The following GLT6D1 variants were observed in gnomAD, a reference collection of about 807,000 sequenced individuals.
The protein encoded by GLT6D1 is putative glycosyltransferase 6 domain-containing protein 1.
Under a neutral mutation model 12.3 loss-of-function variants are expected in GLT6D1, and 9 were observed. The ratio of observed to expected loss-of-function variants is 0.73; its 90% CI spans 0.44 to 1.27. GLT6D1 has a LOEUF of 1.27. Among genes scored for constraint, GLT6D1 ranks in the 50% most tolerant of loss-of-function variants. The probability of loss-of-function intolerance (pLI) is 0.00; values close to 1 mark genes in which losing one functional copy is unlikely to be tolerated. For synonymous variants in GLT6D1, 128 were observed against 132.3 expected (o/e 0.97, Z 0.23); for missense variants, 335 against 346.2 (o/e 0.97, Z 0.26).
Position 135,626,180 on chromosome 9 carries a change from G to A in GLT6D1, c.146C>T (p.Thr49Ile), listed in dbSNP as rs1325076071. The change falls in exon 4 of 5, where the codon ACA (threonine) becomes ATA (isoleucine). Residue 49 changes from threonine to isoleucine, a missense_variant. Thr to Ile is a moderately conservative substitution (Grantham distance 89, BLOSUM62 -1). Transcript: ENST00000371763. ...CCATAGGACAGGAGCGAGCCAGTCT[G>A]TTTTCGTTATAACATCAGGGCGTTT... ...PRKRPDVITK[T>I]DWLAPVLWEG... 3.7e-6 allele frequency: 6 copies of A among 1,613,828 alleles called. No homozygotes were observed. The highest frequency in any genetic ancestry group is 2.2e-5 in the South Asian group (2 of 91,050).
rs757689132 is a variant in GLT6D1 at position 135,624,371 on chromosome 9, G to A, written c.557C>T (p.Thr186Ile). 6.2e-7 allele frequency: 1 copy of A among 1,614,130 alleles called. No homozygotes were observed. The highest frequency in any genetic ancestry group is 8.5e-7 in the Non-Finnish European group (1 of 1,180,026). ...GAGCTGGGCCACCAACGGGCCCAGG[G>A]TCTCCACCCCGAACTCATTCTGGAA... ...QVFQNEFGVETLGPLVAQLHA... is the reference protein window; with the variant it reads ...QVFQNEFGVEILGPLVAQLHA... Residue 186 changes from threonine to isoleucine, a missense_variant, in exon 5 of 5, where the codon ACC (threonine) becomes ATC (isoleucine). Thr to Ile is a moderately conservative substitution (Grantham distance 89). Coordinates refer to ENST00000371763, the MANE Select transcript of GLT6D1 (RefSeq NM_182974.3).
intron 2 of GLT6D1, 28 bp from the exon 3 acceptor site, chr9:135,631,506 T>C (rs781710077): frequency 4.5e-6 from 7 of 1,552,310 alleles, no homozygotes; most frequent in Non-Finnish European, 6.2e-6. Context: ...ATCAAGTGAT[T>C]GCAAGGAGCC....
chr9:135,630,278 C>T lies in GLT6D1; in HGVS notation c.119+1153G>A, dbSNP rs149569352. 4.3e-3 allele frequency among the ~76,000 whole-genome samples: 649 copies of T among 151,698 alleles called. 3 individuals are homozygous for T. Among genetic ancestry groups the T allele is most frequent in the African/African-American group, 0.011 (452 of 41,362 alleles). ...AAAATTAGCCAGGCGTGGTGGCAGG[C>T]GCCTGTAGTCCCAGCTACTTGGGAG... On this transcript the variant is annotated intron_variant, in intron 3 of 4. Transcript: ENST00000371763.
intron 2 of GLT6D1, among the ~76,000 whole-genome samples, chr9:135,637,248 G>A (rs1833797573): frequency 6.7e-6 from 1 of 149,852 alleles, no homozygotes; most frequent in African/African-American, 2.5e-5. Flanking sequence ...GTTCGTTTCT[G>A]GTTTTGAGCA....
At chr9:135,641,125 G>T (rs1417846524), upstream of GLT6D1, among the ~76,000 whole-genome samples, 3 of 152,060 alleles carry the variant, frequency 2.0e-5, no homozygotes, top group African/African-American at 4.8e-5. Flanking sequence ...GTGATGCAAA[G>T]AGATGGCCAA....
chr9:135,634,465 GGC>G (rs2119147767), intron 2 of GLT6D1, among the ~76,000 whole-genome samples: 1 of 103,250 alleles, frequency 9.7e-6, no homozygotes, highest in South Asian at 3.3e-4. Context: ...TTTTTTTTTT[GGC>G]ATGATTTATT....
intron 4 of GLT6D1, among the ~76,000 whole-genome samples, chr9:135,625,041 G>A (rs189611142): frequency 1.6e-4 from 24 of 152,014 alleles, no homozygotes; most frequent in African/African-American, 4.8e-4. Flanking sequence ...CACTGTGCCC[G>A]GCCGACACTT....
intron 2 of GLT6D1, 29 bp from the exon 3 acceptor site, chr9:135,631,507 G>A: frequency 7.1e-6 from 11 of 1,546,470 alleles, no homozygotes; most frequent in Non-Finnish European, 8.9e-6. Flanking sequence ...TCAAGTGATT[G>A]CAAGGAGCCT....
intron 4 of GLT6D1, among the ~76,000 whole-genome samples, chr9:135,625,847 G>A (rs943000542): frequency 2.0e-5 from 3 of 152,188 alleles, no homozygotes; most frequent in Non-Finnish European, 4.4e-5. Flanking sequence ...TCAGACATCC[G>A]ATCTTGCAAG....
At chr9:135,626,010 C>A in intron 4 of GLT6D1, 59 bp downstream of exon 4, 2 of 1,584,796 alleles carry the variant, frequency 1.3e-6, no homozygotes. Context: ...GTTAAAGGCT[C>A]GTGAATGCTG....
intron 2 of GLT6D1, among the ~76,000 whole-genome samples, chr9:135,632,305 A>C (rs540015432): frequency 1.3e-5 from 2 of 151,656 alleles, no homozygotes; most frequent in South Asian, 4.2e-4. Context: ...GCTAACTTTT[A>C]AATTATTTGT....
rs184917239 is a variant in GLT6D1 at position 135,625,871 on chromosome 9, G to A, written c.257+198C>T. The stretch of plus-strand genomic sequence containing the variant: ...CGATCTTGCAAGACTGTCACTAAAA[G>A]TCTCACTTTCACTGTTCTCCAGGTC... On this transcript the variant is annotated intron_variant, in intron 4 of 4. Transcript: ENST00000371763. Among the ~76,000 whole-genome samples, 382 of 152,280 alleles carry A rather than the reference G, an allele frequency of 2.5e-3. 1 individual carries two copies. The highest frequency in any genetic ancestry group is 5.8e-3 in the Admixed American group (88 of 15,302).
intron 3 of GLT6D1, among the ~76,000 whole-genome samples, chr9:135,626,776 T>C (rs970860557): frequency 1.3e-5 from 2 of 152,156 alleles, no homozygotes; most frequent in Admixed American, 1.3e-4. Flanking sequence ...AAATGAGAGA[T>C]GAGTCCAAAA....
intron 2 of GLT6D1, among the ~76,000 whole-genome samples, chr9:135,633,739 A>G (rs1833702315): frequency 6.6e-6 from 1 of 152,244 alleles, no homozygotes; most frequent in Non-Finnish European, 1.5e-5. Context: ...TCCTAAATGG[A>G]TCAACCCAAC....
intron 2 of GLT6D1, among the ~76,000 whole-genome samples, chr9:135,635,106 A>G (rs148018645): frequency 8.2e-4 from 125 of 152,088 alleles, no homozygotes; most frequent in African/African-American, 2.9e-3. Flanking sequence ...CATCCAGCCA[A>G]CCTGTCTTCC....
At chr9:135,639,048 A>C (rs1833839497) in intron 2 of GLT6D1, 69 bp downstream of exon 2, 1 of 837,374 alleles carries the variant, frequency 1.2e-6, no homozygotes, top group Non-Finnish European at 1.9e-6. Context: ...TAAATTAATT[A>C]ATTTAATTAA....
At chr9:135,636,309 G>A (rs11103118) in intron 2 of GLT6D1, among the ~76,000 whole-genome samples, 33,116 of 152,046 alleles carry the variant, frequency 0.22, 4,159 homozygotes, top group South Asian at 0.32. Flanking sequence ...AGTTGAGATC[G>A]CTCTACTGCA....
rs777056812 is a variant in GLT6D1 at position 135,626,204 on chromosome 9, T to C, written c.122A>G (p.Lys41Arg). 6.2e-7 allele frequency: 1 copy of C among 1,613,544 alleles called. No individual in the cohort carries two copies. The highest frequency in any genetic ancestry group is 1.1e-5 in the South Asian group (1 of 90,956). ...TGTTTTCGTTATAACATCAGGGCGT[T>C]TTCTGTGGAACAAGAACCAAGTTAA... ...LRLSDWFHPR[K>R]RPDVITKTDW... The change falls in exon 4 of 5, where the codon AAA becomes AGA. Residue 41 changes from lysine (K) to arginine (R), a missense_variant and splice_region_variant. Coordinates refer to ENST00000371763, the MANE Select transcript of GLT6D1 (RefSeq NM_182974.3).
At position 135,626,143 on chromosome 9, in the gene GLT6D1, G is replaced by C. The variant is rs758429508; in HGVS notation, c.183C>G (p.Phe61Leu). Residue 61 changes from phenylalanine to leucine, a missense_variant, in exon 4 of 5, where the codon TTC becomes TTG. By Grantham distance (22) the Phe-to-Leu change is conservative. Coordinates refer to ENST00000371763, the MANE Select transcript of GLT6D1 (RefSeq NM_182974.3). ...AATGTTTTTCCAGGACCCGCCTGTC[G>C]AAAGTCCCTTCCCATAGGACAGGAG... is the stretch of plus-strand genomic sequence containing the variant. ...WLAPVLWEGT[F>L]DRRVLEKHYR... 5 of 1,613,850 alleles carry C rather than the reference G, an allele frequency of 3.1e-6. No homozygotes were observed. Among genetic ancestry groups the C allele is most frequent in the East Asian group, 4.5e-5 (2 of 44,888 alleles).
Sources: allele counts gnomAD v4.1 joint callset (sites outside exome capture counted in the v4.1 genomes callset), GRCh38; gene constraint gnomAD v4.1.1; transcripts MANE v1.5; gene names NCBI Gene and HGNC (gene_info 2026-07-23, HGNC 2026-07-21).